ANKRD18B: variants seen among roughly 807,000 people sequenced by gnomAD.
The protein encoded by ANKRD18B is ankyrin repeat domain-containing protein 18B.
In ANKRD18B, 75 loss-of-function variants were observed where a neutral mutation model predicts 111.8. The ratio of observed to expected loss-of-function variants is 0.67; its 90% CI spans 0.56 to 0.81. ANKRD18B has a LOEUF of 0.81. ANKRD18B is among the 40% of genes least tolerant of loss of function. The probability of loss-of-function intolerance (pLI) is 0.00; values close to 1 mark genes in which losing one functional copy is unlikely to be tolerated. For synonymous variants in ANKRD18B, 356 were observed against 417.3 expected, an observed-to-expected ratio of 0.85 and a Z score of 1.79; for missense variants, 1,038 against 1,225.5, an observed-to-expected ratio of 0.85 and a Z score of 2.28.
At chr9:33,565,357 G>A (rs185918609) in intron 14 of ANKRD18B, among the ~76,000 whole-genome samples, 2 of 152,246 alleles carry the variant, frequency 1.3e-5, no homozygotes, top group East Asian at 3.8e-4. Flanking sequence ...TGTATTCTAT[G>A]GCCTTTACCC....
chr9:33,527,651 G>A (rs1828045546), intron 1 of ANKRD18B, among the ~76,000 whole-genome samples: 1 of 152,110 alleles, frequency 6.6e-6, no homozygotes, highest in East Asian at 1.9e-4. Flanking sequence ...AAAGTAAGAA[G>A]TAATTTGTTT....
Position 33,550,587 on chromosome 9 carries a change from T to C in ANKRD18B, c.2217+8T>C, listed in dbSNP as rs1828433117. The stretch of plus-strand genomic sequence containing the variant: ...TTTCAAGTAGAAATTCAAGTATGTA[T>C]GGAATTTAACATGTAGACAGTTAAT... On this transcript the variant is annotated splice_region_variant and intron_variant, in intron 12 of 18. Transcript: ENST00000684830. The C allele has an allele frequency of 2.0e-6, 3 of 1,532,296 alleles. No homozygotes were observed. The highest frequency in any genetic ancestry group is 1.3e-5 in the South Asian group (1 of 78,620). 94.9% of individuals were successfully genotyped at this position (1,532,296 alleles called of 1,614,324 possible).
rs571347634 is a variant in ANKRD18B, at chr9:33,524,324, C to G, written c.-166C>G. On this transcript the variant is annotated 5_prime_UTR_variant, in exon 1 of 19. The change creates a new upstream start codon in the 5' untranslated region. Transcript: ENST00000684830. The stretch of plus-strand genomic sequence containing the variant: ...AAGGCTGTAGTGGACCGGGCTGGAT[C>G]GCGGATTCTGAGCTACATCGCGGGT... The G allele has an allele frequency of 2.4e-3, 3,127 of 1,328,772 alleles. 94 individuals are homozygous for G. The African/African-American group carries it at 0.042, about 18-fold the overall frequency. 82.3% of individuals were successfully genotyped at this position (1,328,772 alleles called of 1,614,324 possible).
At chr9:33,566,734 A>G (rs1277715802) in intron 15 of ANKRD18B, among the ~76,000 whole-genome samples, 1 of 152,078 alleles carries the variant, frequency 6.6e-6, no homozygotes, top group Non-Finnish European at 1.5e-5. Flanking sequence ...TAAAAGGGGG[A>G]ATTTGATGAT....
chr9:33,535,347 G>T (rs1447957816), intron 5 of ANKRD18B, among the ~76,000 whole-genome samples: 1 of 151,850 alleles, frequency 6.6e-6, no homozygotes, highest in Non-Finnish European at 1.5e-5. Flanking sequence ...GTGCAGTGGC[G>T]CAATCTCGGC....
chr9:33,552,853 C>A (rs1484241014), intron 12 of ANKRD18B, among the ~76,000 whole-genome samples: 1 of 152,018 alleles, frequency 6.6e-6, no homozygotes, highest in East Asian at 1.9e-4. Flanking sequence ...GCTCACCATG[C>A]ACCACATACT....
chr9:33,570,933 G>T (rs919643863), intron 17 of ANKRD18B, among the ~76,000 whole-genome samples: 1 of 152,078 alleles, frequency 6.6e-6, no homozygotes, highest in Admixed American at 6.5e-5. Context: ...GCCATGCCCG[G>T]TCATTGTTTA....
At chr9:33,568,252 AT>A (rs553260197) in intron 16 of ANKRD18B, among the ~76,000 whole-genome samples, 8 of 152,210 alleles carry the variant, frequency 5.3e-5, no homozygotes, top group Admixed American at 4.6e-4. Context: ...TTTTCATATA[AT>A]TATTTATAGT....
chr9:33,555,788 G>T lies in ANKRD18B; in HGVS notation c.2298G>T (p.Lys766Asn), dbSNP rs747060878. 1.4e-6 allele frequency: 2 copies of T among 1,406,260 alleles called. No individual in the cohort carries two copies. The highest frequency in any genetic ancestry group is 9.3e-7 in the Non-Finnish European group (1 of 1,079,102). The allele number at this position is 1,406,260 out of a possible 1,614,324, so 87.1% of individuals were successfully genotyped here. A position where few individuals can be genotyped will look rare whatever the true frequency, so the allele number is the denominator to read the frequency against. Residue 766 changes from lysine (K) to asparagine (N), a missense_variant, in exon 13 of 19, where the codon AAG becomes AAT. Transcript: ENST00000684830. ...ACTATACTGCGGATCAAATAAGAAA[G>T]AAAAATCGTGAATTAGAAGAAGAGG... ...LLNYTADQIR[K>N]KNRELEEEAT... is the part of the protein sequence containing the mutation.
At chr9:33,570,763 G>A (rs1046743082) in intron 17 of ANKRD18B, among the ~76,000 whole-genome samples, 41 of 151,254 alleles carry the variant, frequency 2.7e-4, no homozygotes, top group African/African-American at 9.0e-4. Flanking sequence ...TCAGCCTCCC[G>A]AGTAGCTGGG....
intron 3 of ANKRD18B, among the ~76,000 whole-genome samples, chr9:33,530,116 A>G (rs1828089412): frequency 1.3e-5 from 2 of 152,170 alleles, no homozygotes; most frequent in Admixed American, 1.3e-4. Flanking sequence ...CTCTGGCCAC[A>G]TCCCAAGTTG....
chr9:33,533,472 T>C lies in ANKRD18B; in HGVS notation c.529T>C (p.Ser177Pro). 6.5e-7 allele frequency: 1 copy of C among 1,533,188 alleles called. No homozygotes were observed. The highest frequency in any genetic ancestry group is 2.5e-5 in the East Asian group (1 of 40,732). 95.0% of individuals were successfully genotyped at this position (1,533,188 alleles called of 1,614,324 possible). Residue 177 changes from serine to proline, a missense_variant, in exon 4 of 19, where the codon TCC (serine) becomes CCC (proline). Around this residue, in one of 4 missense-constraint regions of ANKRD18B, gnomAD observed 93 missense variants for 141.3 expected, o/e 0.66. Coordinates refer to ENST00000684830, the MANE Select transcript of ANKRD18B (RefSeq NM_001393611.1). ...GNTPLLFAINSRRQHMVEFLL... is the reference protein window; with the variant it reads ...GNTPLLFAINPRRQHMVEFLL... ...CACTCCACTTTTGTTTGCTATAAATTCCAGGAGACAGCATATGGTGGAATT... is the reference window on the plus strand; with the variant it reads ...CACTCCACTTTTGTTTGCTATAAATCCCAGGAGACAGCATATGGTGGAATT...
chr9:33,555,000 C>G (rs1167930154), intron 12 of ANKRD18B, among the ~76,000 whole-genome samples: 2 of 123,802 alleles, frequency 1.6e-5, no homozygotes, highest in Non-Finnish European at 3.9e-5. Flanking sequence ...TGGTTTATCT[C>G]AAGTTTCAAT....
chr9:33,553,980 G>C (rs1370857090), intron 12 of ANKRD18B, among the ~76,000 whole-genome samples: 1 of 151,518 alleles, frequency 6.6e-6, no homozygotes, highest in African/African-American at 2.4e-5. Flanking sequence ...GCTGAGGCAG[G>C]AGAATCACTT....
At chr9:33,533,975 A>G (rs1165061066) in intron 4 of ANKRD18B, 1 of 154,538 alleles carries the variant, frequency 6.5e-6, no homozygotes, top group African/African-American at 2.4e-5. Flanking sequence ...GATAGCTCTT[A>G]CTTATTTGAT....
intron 14 of ANKRD18B, among the ~76,000 whole-genome samples, chr9:33,559,030 C>T (rs188209679): frequency 0.011 from 1,691 of 152,262 alleles, 17 homozygotes; most frequent in Non-Finnish European, 0.018. Flanking sequence ...AGGATTCTTT[C>T]AGTGACAATT....
At chr9:33,527,308 T>TG (rs1456506245) in intron 1 of ANKRD18B, among the ~76,000 whole-genome samples, 5 of 131,102 alleles carry the variant, frequency 3.8e-5, no homozygotes, top group Non-Finnish European at 8.6e-5. Flanking sequence ...CATGTTTCTT[T>TG]TTTTGTTTGT....
chr9:33,530,635 A>G (rs1828100342), intron 3 of ANKRD18B, among the ~76,000 whole-genome samples: 2 of 152,166 alleles, frequency 1.3e-5, no homozygotes, highest in Non-Finnish European at 2.9e-5. Context: ...GACATAAGAA[A>G]TCTCTAAAAG....
chr9:33,557,715 G>A (rs1051146192), intron 13 of ANKRD18B, among the ~76,000 whole-genome samples: 1 of 151,918 alleles, frequency 6.6e-6, no homozygotes, highest in Non-Finnish European at 1.5e-5. Context: ...TTGAACCCAG[G>A]AAGCAGAAGT....
Sources: gnomAD v4.1 joint callset for allele counts (sites outside exome capture counted in the v4.1 genomes callset) on GRCh38, gnomAD v4.1.1 for gene constraint, gnomAD v4.1.1 regional missense constraint, MANE v1.5 for transcripts, NCBI Gene and HGNC (gene_info 2026-07-23, HGNC 2026-07-21) for gene names.